Variants in RARB observed in about 807,000 individuals in gnomAD.
The protein encoded by RARB is HBV-activated protein.
In RARB, 17 loss-of-function variants were observed where a neutral mutation model predicts 51.9. The observed-to-expected ratio is 0.33, with a 90% CI of 0.22 to 0.49. RARB has a LOEUF of 0.49. RARB is among the 20% of genes least tolerant of loss of function. The probability of loss-of-function intolerance (pLI) is 0.99; values close to 1 mark genes in which losing one functional copy is unlikely to be tolerated. For synonymous variants in RARB, 215 were observed against 195.4 expected, an observed-to-expected ratio of 1.10 and a Z score of -0.84; for missense variants, 369 against 550.8, an observed-to-expected ratio of 0.67 and a Z score of 3.30.
intron 5 of RARB, among the ~76,000 whole-genome samples, chr3:25,409,789 C>T (rs569283152): frequency 2.6e-5 from 4 of 152,248 alleles, no homozygotes; most frequent in African/African-American, 7.2e-5. Flanking sequence ...AAAATTTTAC[C>T]GCACATGTCA....
intron 4 of RARB, among the ~76,000 whole-genome samples, chr3:25,148,226 G>A (rs938322645): frequency 2.0e-5 from 3 of 150,568 alleles, no homozygotes; most frequent in African/African-American, 7.4e-5. Flanking sequence ...AGCCAATCAG[G>A]GGGGCATTTT....
At chr3:25,306,757 G>T (rs1234940930) in intron 5 of RARB, among the ~76,000 whole-genome samples, 1 of 152,192 alleles carries the variant, frequency 6.6e-6, no homozygotes, top group African/African-American at 2.4e-5. Flanking sequence ...AAGAATGTCT[G>T]CCGTTTCCAC....
intron 2 of RARB, among the ~76,000 whole-genome samples, chr3:24,985,259 A>G (rs1481427240): frequency 6.6e-6 from 1 of 152,006 alleles, no homozygotes; most frequent in African/African-American, 2.4e-5. Flanking sequence ...GGGCATTGAG[A>G]TTGCACGCCA....
At chr3:24,917,779 G>C (rs886340118) in intron 2 of RARB, among the ~76,000 whole-genome samples, 2 of 152,154 alleles carry the variant, frequency 1.3e-5, no homozygotes, top group African/African-American at 4.8e-5. Context: ...TGCCTCCTTC[G>C]GCGTCCTAAA....
chr3:25,208,449 G>C (rs1025309699), intron 5 of RARB, among the ~76,000 whole-genome samples: 15 of 152,104 alleles, frequency 9.9e-5, no homozygotes, highest in South Asian at 8.3e-4. Context: ...CAAGTCATTT[G>C]CTCTAATTTT....
At chr3:25,240,085 G>C (rs1406063217) in intron 5 of RARB, among the ~76,000 whole-genome samples, 1 of 148,834 alleles carries the variant, frequency 6.7e-6, no homozygotes, top group Non-Finnish European at 1.5e-5. Flanking sequence ...TTGTTTGTTT[G>C]TTTTTGTAAT....
At chr3:25,471,248 A>G (rs1235500929) in intron 2 of RARB, among the ~76,000 whole-genome samples, 3 of 152,170 alleles carry the variant, frequency 2.0e-5, no homozygotes. Context: ...TGCAAAACGT[A>G]TGTCCTCTCT....
chr3:25,146,005 A>G (rs1257973697), intron 4 of RARB, among the ~76,000 whole-genome samples: 1 of 151,686 alleles, frequency 6.6e-6, no homozygotes, highest in East Asian at 1.9e-4. Flanking sequence ...CTTCATCTAA[A>G]AAAAAAAAAA....
At chr3:25,465,965 T>G (rs1211149838) in intron 2 of RARB, among the ~76,000 whole-genome samples, 1 of 152,188 alleles carries the variant, frequency 6.6e-6, no homozygotes, top group Non-Finnish European at 1.5e-5. Flanking sequence ...GAATGTGAAG[T>G]CTAGAGTGAG....
intron 5 of RARB, among the ~76,000 whole-genome samples, chr3:25,343,024 T>TTGTGTG (rs6147737): frequency 0.061 from 8,062 of 131,810 alleles, 340 homozygotes; most frequent in Non-Finnish European, 0.065. Flanking sequence ...TGCAAGTACT[T>TTGTGTG]TGTGTGTGTG....
At chr3:25,167,627 C>T (rs1021374020) in intron 4 of RARB, among the ~76,000 whole-genome samples, 12 of 152,156 alleles carry the variant, frequency 7.9e-5, no homozygotes, top group Non-Finnish European at 1.6e-4. Context: ...CACTCCTCTA[C>T]CAATTTTATC....
rs775443621 is a variant in RARB, at chr3:24,887,796, T to G, written c.-380+29044T>G. Among the ~76,000 whole-genome samples, 6 of 152,210 alleles carry G rather than the reference T, an allele frequency of 3.9e-5. No homozygotes were observed. In the East Asian group the frequency reaches 9.6e-4, roughly 24 times the overall value. ...ACTTGGGAGGAAGGCACTACTGACT[T>G]GCAGCAGCTCTGTCAGGTTTTGGGT... On this transcript the variant is annotated intron_variant, in intron 2 of 11. Coordinates refer to the RARB transcript ENST00000383772.
chr3:24,829,987 G>T (rs866872284), intron 1 of RARB, among the ~76,000 whole-genome samples: 11 of 152,196 alleles, frequency 7.2e-5, no homozygotes, highest in Non-Finnish European at 8.8e-5. Flanking sequence ...GAAAGGGCGA[G>T]AAAAAGTTTG....
At chr3:24,836,817 G>A (rs1250447823) in intron 1 of RARB, among the ~76,000 whole-genome samples, 1 of 152,112 alleles carries the variant, frequency 6.6e-6, no homozygotes, top group Non-Finnish European at 1.5e-5. Flanking sequence ...GGAAAAAGAG[G>A]GACAGAAACA....
At chr3:25,119,172 A>G (rs1254364994) in intron 3 of RARB, among the ~76,000 whole-genome samples, 1 of 152,146 alleles carries the variant, frequency 6.6e-6, no homozygotes, top group South Asian at 2.1e-4. Flanking sequence ...TCAGTTTGAT[A>G]TCTTGCTTAG....
chr3:25,023,761 T>C (rs369039484), intron 2 of RARB, among the ~76,000 whole-genome samples: 1 of 152,312 alleles, frequency 6.6e-6, no homozygotes, highest in East Asian at 1.9e-4. Flanking sequence ...CAGTGAAACC[T>C]CAATAGATTA....
intron 5 of RARB, among the ~76,000 whole-genome samples, chr3:25,267,970 A>G (rs1559338277): frequency 6.6e-6 from 1 of 152,190 alleles, no homozygotes; most frequent in African/African-American, 2.4e-5. Flanking sequence ...AATCTCTCTC[A>G]AGGTATTTTC....
At chr3:24,893,944 G>T (rs1204620601) in intron 2 of RARB, among the ~76,000 whole-genome samples, 5 of 152,128 alleles carry the variant, frequency 3.3e-5, no homozygotes, top group African/African-American at 1.2e-4. Flanking sequence ...TATACTTTCA[G>T]TGTACCTAAT....
chr3:25,557,689 C>A (rs1700116334), intron 3 of RARB, among the ~76,000 whole-genome samples: 1 of 152,172 alleles, frequency 6.6e-6, no homozygotes, highest in Admixed American at 6.5e-5. Flanking sequence ...CTCGGAACTT[C>A]TAGCAACTAC....
Sources: gnomAD v4.1 joint callset for allele counts (sites outside exome capture counted in the v4.1 genomes callset) on GRCh38, gnomAD v4.1.1 for gene constraint, MANE v1.5 for transcripts, NCBI Gene and HGNC (gene_info 2026-07-23, HGNC 2026-07-21) for gene names.